The following PNPLA7 variants were observed in gnomAD, a reference collection of about 807,000 sequenced individuals.
PNPLA7 encodes the protein patatin-like phospholipase domain-containing protein 7.
In PNPLA7, 153 loss-of-function variants were observed where a neutral mutation model predicts 161.7. That is an observed-to-expected ratio of 0.95 (90% CI 0.83 to 1.08). PNPLA7 has a LOEUF of 1.08. Among genes scored for constraint, PNPLA7 ranks in the 50% least tolerant of loss-of-function variants. The pLI is 0.00. For synonymous variants in PNPLA7, 809 were observed against 782.1 expected (o/e 1.03, Z -0.57); for missense variants, 1,739 against 1,856.6 (o/e 0.94, Z 1.16).
intron 13 of PNPLA7, 66 bp downstream of exon 13, chr9:137,505,917 T>C: frequency 6.5e-7 from 1 of 1,544,104 alleles, no homozygotes; most frequent in South Asian, 1.2e-5. Flanking sequence ...GCGCCCCCAA[T>C]GCACCAGCAA....
Position 137,547,295 on chromosome 9 carries a change from A to G in PNPLA7, c.193+14T>C, listed in dbSNP as rs1430581448. 1 of 1,612,680 alleles carries G rather than the reference A, an allele frequency of 6.2e-7. No homozygotes were observed. The highest frequency in any genetic ancestry group is 8.5e-7 in the Non-Finnish European group (1 of 1,179,382). On this transcript the variant is annotated intron_variant, in intron 3 of 34. Coordinates refer to ENST00000406427, the MANE Select transcript of PNPLA7 (RefSeq NM_001098537.3). The surrounding 1 kb of genome is among the most constrained non-coding windows in gnomAD (Gnocchi z 4.6). The stretch of plus-strand genomic sequence containing the variant: ...CCCAACCCCCCGGGCCAGAGTCGGA[A>G]CCAAGATACTCACGAAATTGTCTAA...
chr9:137,507,967 G>A (rs1200330726), intron 12 of PNPLA7, among the ~76,000 whole-genome samples: 1 of 152,086 alleles, frequency 6.6e-6, no homozygotes, highest in South Asian at 2.1e-4. Flanking sequence ...CCAAGGTGGA[G>A]GCAGCGCTTG....
intron 26 of PNPLA7, among the ~76,000 whole-genome samples, chr9:137,465,780 G>A (rs574029814): frequency 1.3e-5 from 2 of 152,026 alleles, no homozygotes; most frequent in African/African-American, 4.8e-5. Context: ...AGGAGAACAC[G>A]AACCCTTCTG....
Position 137,499,651 on chromosome 9 carries a change from C to A in PNPLA7, c.1757+1040G>T, listed in dbSNP as rs919034467. ...TCAGGCCAGGCCTGGAAGACAGAGG[C>A]CATGCAGAAAGCCCTTCCCAACTGG... On this transcript the variant is annotated intron_variant, in intron 16 of 34. Coordinates refer to ENST00000406427, the MANE Select transcript of PNPLA7 (RefSeq NM_001098537.3). The surrounding 1 kb of genome is among the most constrained non-coding windows in gnomAD (Gnocchi z 5.5). Among the ~76,000 whole-genome samples the A allele has an allele frequency of 6.6e-6, 1 of 152,240 alleles. No homozygotes were observed. The highest frequency in any genetic ancestry group is 2.4e-5 in the African/African-American group (1 of 41,462).
At position 137,523,294 on chromosome 9, in the gene PNPLA7, A is replaced by G. The variant is rs947323839; in HGVS notation, c.748-437T>C. Among the ~76,000 whole-genome samples the G allele has an allele frequency of 3.3e-5, 5 of 151,950 alleles. No individual in the cohort carries two copies. The highest frequency in any genetic ancestry group is 7.4e-5 in the Non-Finnish European group (5 of 67,988). The stretch of plus-strand genomic sequence containing the variant: ...TAAAAAGGCCACCGAGAGGGTCAGG[A>G]GCCACCACTGTCAAATGCCCACCGC... On this transcript the variant is annotated intron_variant, in intron 8 of 34. Coordinates refer to ENST00000406427, the MANE Select transcript of PNPLA7 (RefSeq NM_001098537.3). The surrounding 1 kb of genome is among the most constrained non-coding windows in gnomAD (Gnocchi z 4.4).
chr9:137,505,187 C>CAAAAAAAAAAAA (rs1030910942), intron 14 of PNPLA7, among the ~76,000 whole-genome samples: 1 of 57,040 alleles, frequency 1.8e-5, no homozygotes, highest in Non-Finnish European at 2.9e-5. Flanking sequence ...GACTCTGTCT[C>CAAAAAAAAAAAA]AAAAAAAAAA....
At chr9:137,535,072 A>C (rs1474522229) in intron 8 of PNPLA7, among the ~76,000 whole-genome samples, 7 of 152,222 alleles carry the variant, frequency 4.6e-5, no homozygotes, top group Non-Finnish European at 7.3e-5. Flanking sequence ...AAGCTGAAAT[A>C]TTTACACTCT....
At chr9:137,545,781 T>C (rs180777449) in intron 4 of PNPLA7, among the ~76,000 whole-genome samples, 3 of 152,344 alleles carry the variant, frequency 2.0e-5, no homozygotes, top group Non-Finnish European at 2.9e-5. Context: ...GCGAGCCTTC[T>C]GTTATGCCCG....
rs138691340 is a variant in PNPLA7 at position 137,506,888 on chromosome 9, G to A, written c.1226-805C>T. 4.3e-3 allele frequency among the ~76,000 whole-genome samples: 658 copies of A among 152,316 alleles called. 5 individuals are homozygous for A. Among genetic ancestry groups the A allele is most frequent in the South Asian group, 0.019 (94 of 4,832 alleles). On this transcript the variant is annotated intron_variant, in intron 12 of 34. Coordinates refer to ENST00000406427, the MANE Select transcript of PNPLA7 (RefSeq NM_001098537.3). ...CATGCGAGCGAGTCATCTGCACTGC[G>A]GTTTCCCATCCATACTGGAATTCGC...
intron 23 of PNPLA7, chr9:137,479,847 C>T: frequency 1.0e-6 from 1 of 985,460 alleles, no homozygotes. Context: ...CCGAAGGTGC[C>T]TGCAGAAGGC....
At position 137,486,529 on chromosome 9, in the gene PNPLA7, CAG is replaced by C. The variant is rs1033466725; in HGVS notation, c.2198-1795_2198-1794del. Among the ~76,000 whole-genome samples, 2 of 152,156 alleles carry C rather than the reference CAG, an allele frequency of 1.3e-5. No individual in the cohort carries two copies. The highest frequency in any genetic ancestry group is 4.8e-5 in the African/African-American group (2 of 41,426). On this transcript the variant is annotated intron_variant, in intron 20 of 34. Transcript: ENST00000406427. The surrounding 1 kb of genome is among the most constrained non-coding windows in gnomAD (Gnocchi z 6.0). ...ACCCGTACCTGTATGCAGGCAGAAA[CAG>C]ATAAATGATGCTGCCCATCCCACAT...
rs1415436760 is a variant in PNPLA7 at position 137,500,350 on chromosome 9, A to G, written c.1757+341T>C. Among the ~76,000 whole-genome samples the G allele has an allele frequency of 4.6e-5, 7 of 152,306 alleles. No homozygotes were observed. The East Asian group carries it at 7.7e-4, about 17-fold the overall frequency. ...GCCCCTGAAGCCCGGCCCTGCCCCAACGTGGGCCTTGCTGAGCCAAGCTGG... is the reference window on the plus strand; with the variant it reads ...GCCCCTGAAGCCCGGCCCTGCCCCAGCGTGGGCCTTGCTGAGCCAAGCTGG... On this transcript the variant is annotated intron_variant, in intron 16 of 34. Transcript: ENST00000406427. This position sits in a 1 kb window ranked among gnomAD's most constrained non-coding sequence, Gnocchi z 5.5.
At chr9:137,521,867 A>C in intron 9 of PNPLA7, 151 bp from the exon 10 acceptor site, 1 of 573,442 alleles carries the variant, frequency 1.7e-6, no homozygotes, top group Middle Eastern at 4.1e-4. Context: ...CGCAGACTTG[A>C]CACCTCACCA....
chr9:137,488,203 G>A (rs1017535633), intron 20 of PNPLA7, among the ~76,000 whole-genome samples: 17 of 152,216 alleles, frequency 1.1e-4, no homozygotes, highest in Middle Eastern at 6.8e-3. Flanking sequence ...GCTTCGGCCC[G>A]AACGCGGCTC....
At position 137,467,380 on chromosome 9, in the gene PNPLA7, A is replaced by G. The variant is rs764639520; in HGVS notation, c.2976T>C (p.Gly992=). ...VGGTSIGAFV[G]ALYSEERNYS... is the part of the protein sequence containing the mutation. ...AGTTCCGCTCCTCAGAGTACAGGGC[A>G]CCCACGAAGGCCCCGATGGACGTGC... The change falls in exon 26 of 35, where the codon GGT becomes GGC. Residue 992 remains glycine (G), a synonymous_variant. Transcript: ENST00000406427. This position sits in a 1 kb window ranked among gnomAD's most constrained non-coding sequence, Gnocchi z 5.1. 2 of 1,613,446 alleles carry G rather than the reference A, an allele frequency of 1.2e-6. No individual in the cohort carries two copies. Among genetic ancestry groups the G allele is most frequent in the Non-Finnish European group, 1.7e-6 (2 of 1,179,980 alleles).
chr9:137,463,535 G>T lies in PNPLA7; in HGVS notation c.3227-4C>A. 2.5e-6 allele frequency: 4 copies of T among 1,572,686 alleles called. No homozygotes were observed. Among genetic ancestry groups the T allele is most frequent in the Non-Finnish European group, 2.6e-6 (3 of 1,158,470 alleles). Reference sequence around the variant, plus strand: ...CGCACGTACCACCACAGGGAGCCTGGGGAGGGGGCCCGGAGCTGCTGGTTA... The same window carrying T: ...CGCACGTACCACCACAGGGAGCCTGTGGAGGGGGCCCGGAGCTGCTGGTTA... On this transcript the variant is annotated splice_polypyrimidine_tract_variant and splice_region_variant and intron_variant, in intron 28 of 34. Coordinates refer to ENST00000406427, the MANE Select transcript of PNPLA7 (RefSeq NM_001098537.3).
intron 20 of PNPLA7, among the ~76,000 whole-genome samples, chr9:137,488,187 T>G (rs933011176): frequency 6.6e-6 from 1 of 152,158 alleles, no homozygotes; most frequent in Non-Finnish European, 1.5e-5. Flanking sequence ...TGATGTCTCG[T>G]CCCGAGCTTC....
At position 137,520,969 on chromosome 9, in the gene PNPLA7, G is replaced by T. The variant is rs1834957903; in HGVS notation, c.957+667C>A. On this transcript the variant is annotated intron_variant, in intron 10 of 34. Coordinates refer to ENST00000406427, the MANE Select transcript of PNPLA7 (RefSeq NM_001098537.3). The surrounding 1 kb of genome is among the most constrained non-coding windows in gnomAD (Gnocchi z 5.2). ...GGACGCGGACGTAGGGACCCCACGG[G>T]ACGGGCATGGGGAGAGGCAGCCTCT... 6.6e-6 allele frequency among the ~76,000 whole-genome samples: 1 copy of T among 151,504 alleles called. No individual in the cohort carries two copies. Among genetic ancestry groups the T allele is most frequent in the Non-Finnish European group, 1.5e-5 (1 of 67,828 alleles).
rs986456371 is a variant in PNPLA7, at chr9:137,547,396, G to A, written c.106C>T (p.Leu36=). The A allele has an allele frequency of 1.6e-5, 26 of 1,613,310 alleles. No individual in the cohort carries two copies. Among genetic ancestry groups the A allele is most frequent in the Non-Finnish European group, 2.0e-5 (24 of 1,179,972 alleles). Residue 36 remains leucine, a splice_region_variant and synonymous_variant, in exon 3 of 35, where the codon CTG becomes TTG. Coordinates refer to ENST00000406427, the MANE Select transcript of PNPLA7 (RefSeq NM_001098537.3). The surrounding 1 kb of genome is among the most constrained non-coding windows in gnomAD (Gnocchi z 4.6). ...FTEEGSPSTM[L]TGIAVGALLA... ...AGGGCTCCAACTGCAATCCCCGTCAGCTGGCCGAGAGTGGAAACACGGCGC... is the reference window on the plus strand; with the variant it reads ...AGGGCTCCAACTGCAATCCCCGTCAACTGGCCGAGAGTGGAAACACGGCGC...
Sources: gnomAD v4.1 joint callset for allele counts (sites outside exome capture counted in the v4.1 genomes callset) on GRCh38, gnomAD v4.1.1 for gene constraint, Gnocchi (gnomAD v3.1) non-coding constraint, MANE v1.5 for transcripts, NCBI Gene and HGNC (gene_info 2026-07-23, HGNC 2026-07-21) for gene names.